ANKS1A: variants seen among roughly 807,000 people sequenced by gnomAD.
ANKS1A encodes the protein ankyrin repeat and SAM domain-containing protein 1A.
In ANKS1A, 55 loss-of-function variants were observed where a neutral mutation model predicts 120.3. The ratio of observed to expected loss-of-function variants is 0.46; its 90% CI spans 0.37 to 0.57. The LOEUF (loss-of-function observed/expected upper bound fraction) is 0.57, where lower values mean the gene tolerates loss of function less well. Among genes scored for constraint, ANKS1A ranks in the 20% least tolerant of loss-of-function variants. ANKS1A has a pLI of 0.00. For synonymous variants in ANKS1A, 590 were observed against 604.7 expected, an observed-to-expected ratio of 0.98 and a Z score of 0.36; for missense variants, 1,123 against 1,480.3, an observed-to-expected ratio of 0.76 and a Z score of 3.96.
Position 35,085,757 on chromosome 6 carries a change from T to C in ANKS1A, c.3133-9T>C. 1 of 1,572,016 alleles carries C rather than the reference T, an allele frequency of 6.4e-7. No homozygotes were observed. The highest frequency in any genetic ancestry group is 8.6e-7 in the Non-Finnish European group (1 of 1,159,362). Reference sequence around the variant, plus strand: ...CCAGGTGCTTAAGTGGTGATCTGCTTCCTCCCAGAACCTGACCTACGAGAT... The same window carrying C: ...CCAGGTGCTTAAGTGGTGATCTGCTCCCTCCCAGAACCTGACCTACGAGAT... On this transcript the variant is annotated splice_polypyrimidine_tract_variant and intron_variant, in intron 21 of 23. Coordinates refer to ENST00000360359, the MANE Select transcript of ANKS1A (RefSeq NM_015245.3). This position sits in a 1 kb window ranked among gnomAD's most constrained non-coding sequence, Gnocchi z 4.7.
At chr6:35,067,094 T>G (rs1213607655) in intron 13 of ANKS1A, among the ~76,000 whole-genome samples, 2 of 152,124 alleles carry the variant, frequency 1.3e-5, no homozygotes, top group South Asian at 4.2e-4. Context: ...GGGAAAGCCC[T>G]CGCCCCAGGT....
At position 35,090,060 on chromosome 6, in the gene ANKS1A, T is replaced by C; in HGVS notation, c.*1451T>C. On this transcript the variant is annotated 3_prime_UTR_variant, in exon 24 of 24. Transcript: ENST00000360359. Reference sequence around the variant, plus strand: ...GAAATCAGAAGTGGGGCTGTGTCTCTGACTGGCTAGAGGCCAGGCCTTGTG... The same window carrying C: ...GAAATCAGAAGTGGGGCTGTGTCTCCGACTGGCTAGAGGCCAGGCCTTGTG... 7.9e-7 allele frequency: 1 copy of C among 1,262,668 alleles called. No homozygotes were observed. The highest frequency in any genetic ancestry group is 2.4e-5 in the Admixed American group (1 of 41,230). The allele number at this position is 1,262,668 out of a possible 1,614,324, so 78.2% of individuals were successfully genotyped here.
At chr6:35,083,843 C>T (rs1777816964) in intron 20 of ANKS1A, among the ~76,000 whole-genome samples, 1 of 152,192 alleles carries the variant, frequency 6.6e-6, no homozygotes, top group South Asian at 2.1e-4. Flanking sequence ...GACACCCTTC[C>T]CACTTTGCCC....
At chr6:35,079,755 G>T (rs1777566862) in intron 15 of ANKS1A, 66 bp from the exon 16 acceptor site, 3 of 1,609,940 alleles carry the variant, frequency 1.9e-6, no homozygotes, top group African/African-American at 1.3e-5. Flanking sequence ...AAGATGCTGG[G>T]GGCTGGAGCG....
At chr6:35,070,697 G>A (rs1312126345) in intron 13 of ANKS1A, among the ~76,000 whole-genome samples, 1 of 151,816 alleles carries the variant, frequency 6.6e-6, no homozygotes, top group Admixed American at 6.6e-5. Context: ...TGTTAGCCTG[G>A]ATGGTCTCAA....
chr6:34,999,681 A>G (rs867273185), intron 10 of ANKS1A, among the ~76,000 whole-genome samples: 14 of 152,174 alleles, frequency 9.2e-5, no homozygotes, highest in African/African-American at 2.9e-4. Flanking sequence ...CTTGTTTCAA[A>G]GGTATGGCAC....
intron 1 of ANKS1A, among the ~76,000 whole-genome samples, chr6:34,921,942 T>C (rs1400219329): frequency 6.6e-6 from 1 of 152,122 alleles, no homozygotes; most frequent in Admixed American, 6.5e-5. Flanking sequence ...GCAGTTTTCC[T>C]GCCTCAGCCT....
chr6:35,042,830 C>T (rs926801568), intron 11 of ANKS1A, among the ~76,000 whole-genome samples: 4 of 152,228 alleles, frequency 2.6e-5, no homozygotes, highest in African/African-American at 9.6e-5. Flanking sequence ...AATTATCTTC[C>T]ATGTATCTTT....
intron 10 of ANKS1A, among the ~76,000 whole-genome samples, chr6:35,000,163 T>C (rs1446829621): frequency 1.3e-5 from 2 of 151,910 alleles, no homozygotes; most frequent in African/African-American, 2.4e-5. Flanking sequence ...CCGAAAGCAC[T>C]GAGGCCTTCC....
Position 35,057,640 on chromosome 6 carries a change from C to A in ANKS1A, c.2078-2507C>A, listed in dbSNP as rs1055641018. Among the ~76,000 whole-genome samples, 2 of 152,234 alleles carry A rather than the reference C, an allele frequency of 1.3e-5. No individual in the cohort carries two copies. The highest frequency in any genetic ancestry group is 1.5e-5 in the Non-Finnish European group (1 of 68,046). On this transcript the variant is annotated intron_variant, in intron 12 of 23. Transcript: ENST00000360359. This position sits in a 1 kb window ranked among gnomAD's most constrained non-coding sequence, Gnocchi z 4.1. ...GTTTCCCCCTTGCCCTTGGCCATCG[C>A]TGTCCTCCCCCAGAGTGTGAGTGGC...
At chr6:35,051,674 T>C (rs1775975196) in intron 11 of ANKS1A, among the ~76,000 whole-genome samples, 1 of 152,204 alleles carries the variant, frequency 6.6e-6, no homozygotes, top group South Asian at 2.1e-4. Flanking sequence ...CCCTCATTGG[T>C]GTCTACAGTG....
At chr6:35,000,266 C>T (rs1443138664) in intron 10 of ANKS1A, among the ~76,000 whole-genome samples, 2 of 149,094 alleles carry the variant, frequency 1.3e-5, no homozygotes, top group Non-Finnish European at 3.0e-5. Context: ...AAAAAAAAAG[C>T]CATCTATACC....
chr6:35,002,120 G>A lies in ANKS1A; in HGVS notation c.1423+7698G>A, dbSNP rs989809841. On this transcript the variant is annotated intron_variant, in intron 10 of 23. Coordinates refer to ENST00000360359, the MANE Select transcript of ANKS1A (RefSeq NM_015245.3). ...CAAAGCTTGCTCTGTGAAAATCCCC[G>A]CATAACCATTGAAGTTTGCAACACC... 7.9e-5 allele frequency among the ~76,000 whole-genome samples: 12 copies of A among 152,120 alleles called. No homozygotes were observed. The East Asian group carries it at 1.3e-3, about 17-fold the overall frequency.
intron 10 of ANKS1A, 87 bp downstream of exon 10, chr6:34,994,509 C>T (rs1772747559): frequency 6.5e-7 from 1 of 1,534,384 alleles, no homozygotes; most frequent in Admixed American, 1.8e-5. Flanking sequence ...GATGTCGTAA[C>T]TATGATATTC....
intron 8 of ANKS1A, among the ~76,000 whole-genome samples, chr6:34,985,856 ACT>A (rs1407439516): frequency 5.9e-5 from 9 of 152,066 alleles, no homozygotes; most frequent in Admixed American, 5.9e-4. Context: ...GATGAGAACA[ACT>A]CTGAATTTTT....
rs752077882 is a variant in ANKS1A, at chr6:35,082,845, C to T, written c.2835+29C>T. On this transcript the variant is annotated intron_variant, in intron 18 of 23. Coordinates refer to ENST00000360359, the MANE Select transcript of ANKS1A (RefSeq NM_015245.3). This position sits in a 1 kb window ranked among gnomAD's most constrained non-coding sequence, Gnocchi z 4.1. ...AGTTGCTCCCACCCTCCCAGCAGGG[C>T]CGGCCTCCCTGCTCCTTCTCGGCCA... The T allele has an allele frequency of 6.3e-7, 1 of 1,598,420 alleles. No homozygotes were observed. The highest frequency in any genetic ancestry group is 8.5e-7 in the Non-Finnish European group (1 of 1,172,280).
In ANKS1A at chr6:35,050,410, C is replaced by G. The variant is rs758694931; in HGVS notation, c.2011-3689C>G. 2.0e-5 allele frequency among the ~76,000 whole-genome samples: 3 copies of G among 152,154 alleles called. No individual in the cohort carries two copies. Among genetic ancestry groups the G allele is most frequent in the Non-Finnish European group, 2.9e-5 (2 of 68,024 alleles). Reference sequence around the variant, plus strand: ...TCCAAAAATGTCACTCATCCAAAACCACAGAAAAAGAGGAGAACACTAAAT... The same window carrying G: ...TCCAAAAATGTCACTCATCCAAAACGACAGAAAAAGAGGAGAACACTAAAT... On this transcript the variant is annotated intron_variant, in intron 11 of 23. Transcript: ENST00000360359. The surrounding 1 kb of genome is among the most constrained non-coding windows in gnomAD (Gnocchi z 4.3).
chr6:34,920,277 G>A (rs143425782), intron 1 of ANKS1A, among the ~76,000 whole-genome samples: 1,905 of 151,610 alleles, frequency 0.013, 18 homozygotes, highest in Middle Eastern at 0.024. Flanking sequence ...GTGCAATGGC[G>A]CAATCATAGC....
intron 3 of ANKS1A, among the ~76,000 whole-genome samples, chr6:34,976,136 C>CAAAAA (rs748181297): frequency 1.5e-4 from 13 of 87,580 alleles, no homozygotes; most frequent in East Asian, 3.2e-4. Context: ...GACTCCATCT[C>CAAAAA]AAAAAAAAAA....
Sources: gnomAD v4.1 joint callset for allele counts (sites outside exome capture counted in the v4.1 genomes callset) on GRCh38, gnomAD v4.1.1 for gene constraint, Gnocchi (gnomAD v3.1) non-coding constraint, MANE v1.5 for transcripts, NCBI Gene and HGNC (gene_info 2026-07-23, HGNC 2026-07-21) for gene names.